GRIK4: variants seen among roughly 807,000 people sequenced by gnomAD.
GRIK4 encodes glutamate receptor ionotropic, kainate 4.
In GRIK4, 40 loss-of-function variants were observed where a neutral mutation model predicts 104.9. The ratio of observed to expected loss-of-function variants is 0.38; its 90% CI spans 0.30 to 0.50. GRIK4 has a LOEUF of 0.50. Among genes scored for constraint, GRIK4 ranks in the 20% least tolerant of loss-of-function variants. The probability of loss-of-function intolerance (pLI) is 0.93; values close to 1 mark genes in which losing one functional copy is unlikely to be tolerated. For missense variants in GRIK4, 1,047 were observed against 1,308.1 expected (o/e 0.80, Z 3.08); for synonymous variants, 485 against 524.9 (o/e 0.92, Z 1.04).
chr11:120,844,584 A>C (rs1212141387), intron 8 of GRIK4, among the ~76,000 whole-genome samples: 6 of 152,154 alleles, frequency 3.9e-5, no homozygotes, highest in African/African-American at 1.4e-4. Flanking sequence ...TTTAGATCCC[A>C]CAGGAATTCA....
chr11:120,972,671 A>G (rs570996756), intron 19 of GRIK4, among the ~76,000 whole-genome samples: 1 of 152,248 alleles, frequency 6.6e-6, no homozygotes, highest in East Asian at 1.9e-4. Flanking sequence ...AGAGAGGCAG[A>G]TATCACTCCC....
chr11:120,669,103 G>A (rs1229764541), intron 3 of GRIK4, among the ~76,000 whole-genome samples: 3 of 152,130 alleles, frequency 2.0e-5, no homozygotes, highest in Non-Finnish European at 4.4e-5. Flanking sequence ...CTTGTTCTGG[G>A]AGATGAGAAT....
intron 9 of GRIK4, chr11:120,862,431 A>G (rs1288758389): frequency 3.6e-6 from 1 of 275,752 alleles, no homozygotes; most frequent in Non-Finnish European, 6.8e-6. Context: ...GGATCCAAGA[A>G]TCGGTTGGAA....
At chr11:120,695,221 G>T (rs965871484) in intron 3 of GRIK4, among the ~76,000 whole-genome samples, 1 of 152,240 alleles carries the variant, frequency 6.6e-6, no homozygotes, top group Non-Finnish European at 1.5e-5. Context: ...GAGTTTGCCA[G>T]CTATAGGGCC....
chr11:120,640,165 C>G (rs1949453108), intron 1 of GRIK4, among the ~76,000 whole-genome samples: 1 of 152,214 alleles, frequency 6.6e-6, no homozygotes, highest in South Asian at 2.1e-4. Context: ...AGTAAAGGAA[C>G]AACAGTTGTT....
intron 9 of GRIK4, among the ~76,000 whole-genome samples, chr11:120,865,938 G>A (rs754020441): frequency 8.5e-5 from 13 of 152,056 alleles, no homozygotes; most frequent in African/African-American, 1.9e-4. Flanking sequence ...GGGAGGGGGC[G>A]TATGCAGCTC....
At chr11:120,669,563 A>G (rs1949979194) in intron 3 of GRIK4, among the ~76,000 whole-genome samples, 1 of 152,244 alleles carries the variant, frequency 6.6e-6, no homozygotes, top group African/African-American at 2.4e-5. Flanking sequence ...ATTGATGCCC[A>G]GATTGCTAAA....
At chr11:120,815,266 G>C (rs183305608) in intron 4 of GRIK4, 112 bp from the exon 5 acceptor site, 21 of 661,834 alleles carry the variant, frequency 3.2e-5, no homozygotes, top group African/African-American at 2.6e-4. Flanking sequence ...CCTGGGCAGC[G>C]GGTGTGCAGA....
At chr11:120,843,679 C>A (rs1460686252) in intron 8 of GRIK4, among the ~76,000 whole-genome samples, 2 of 131,054 alleles carry the variant, frequency 1.5e-5, no homozygotes, top group Admixed American at 8.3e-5. Flanking sequence ...TCTGGGTGAG[C>A]TATTTTACCT....
chr11:120,937,587 A>G lies in GRIK4; in HGVS notation c.1477-2760A>G, dbSNP rs367742138. Among the ~76,000 whole-genome samples the G allele has an allele frequency of 1.2e-4, 19 of 152,240 alleles. No homozygotes were observed. The East Asian group carries it at 3.3e-3, about 26-fold the overall frequency. On this transcript the variant is annotated intron_variant, in intron 13 of 20. Transcript: ENST00000527524. ...CCCAGCGTCCTCTTGACCGGGGACA[A>G]AGGAAAGAAAGACTGGGACTGGTGG...
rs1954698205 is a variant in GRIK4 at position 120,874,161 on chromosome 11, C to G, written c.1002C>G (p.Ser334=). 6.2e-6 allele frequency: 10 copies of G among 1,613,842 alleles called. No homozygotes were observed. In the East Asian group the frequency reaches 2.2e-4, roughly 36 times the overall value. Residue 334 remains serine (S), a synonymous_variant, in exon 10 of 21, where the codon TCC becomes TCG. Transcript: ENST00000527524. The part of the protein sequence containing the change: ...RSQEIGVKPL[S]CGSAQIWQHG... ...AAGAGATCGGCGTGAAGCCCTTGTC[C>G]TGCGGCTCGGCCCAGATCTGGCAGC...
In GRIK4 at chr11:120,547,056, C is replaced by T. The variant is rs115691510; in HGVS notation, c.-159+35169C>T. ...CACCCTGCCCCTTGGGCTCTGGCAG[C>T]GCTTCCTCCACATTCTCCTGTCTTG... On this transcript the variant is annotated intron_variant, in intron 1 of 20. Transcript: ENST00000527524. 9.1e-4 allele frequency among the ~76,000 whole-genome samples: 139 copies of T among 152,300 alleles called. 1 individual carries two copies. The highest frequency in any genetic ancestry group is 3.2e-3 in the African/African-American group (134 of 41,566).
intron 3 of GRIK4, among the ~76,000 whole-genome samples, chr11:120,688,456 C>T (rs1240967512): frequency 6.6e-6 from 1 of 152,172 alleles, no homozygotes; most frequent in African/African-American, 2.4e-5. Flanking sequence ...CCTTGAGTGT[C>T]TGGGCTGCCT....
At chr11:120,855,709 C>T (rs769567525) in intron 8 of GRIK4, among the ~76,000 whole-genome samples, 9 of 152,090 alleles carry the variant, frequency 5.9e-5, no homozygotes, top group African/African-American at 2.2e-4. Flanking sequence ...AGGCAGATGC[C>T]ACACAACCAC....
At chr11:120,802,533 G>C (rs934414598) in intron 3 of GRIK4, among the ~76,000 whole-genome samples, 160 bp from the exon 4 acceptor site, 2 of 152,180 alleles carry the variant, frequency 1.3e-5, no homozygotes, top group African/African-American at 2.4e-5. Context: ...TAAGCTTGGA[G>C]AGAACTTGTT....
intron 1 of GRIK4, among the ~76,000 whole-genome samples, chr11:120,625,491 C>T (rs1290070386): frequency 6.6e-6 from 1 of 152,164 alleles, no homozygotes; most frequent in African/African-American, 2.4e-5. Context: ...TCCTGAGCTT[C>T]ATTTTGGTTT....
At chr11:120,745,293 T>A (rs1306700171) in intron 3 of GRIK4, among the ~76,000 whole-genome samples, 1 of 152,224 alleles carries the variant, frequency 6.6e-6, no homozygotes, top group East Asian at 1.9e-4. Flanking sequence ...GGGTGAACAT[T>A]CCTCTGGCTT....
chr11:120,738,221 C>G (rs763245669), intron 3 of GRIK4, among the ~76,000 whole-genome samples: 34 of 152,214 alleles, frequency 2.2e-4, no homozygotes, highest in Non-Finnish European at 7.3e-5. Context: ...CTCAATGCTG[C>G]TTGCAGACTA....
Position 120,967,586 on chromosome 11 carries a change from T to C in GRIK4, c.2395+263T>C, listed in dbSNP as rs1217206260. On this transcript the variant is annotated intron_variant, in intron 19 of 20. Coordinates refer to ENST00000527524, the MANE Select transcript of GRIK4 (RefSeq NM_014619.5). The surrounding 1 kb of genome is among the most constrained non-coding windows in gnomAD (Gnocchi z 4.2). ...CTTGAACCCAGCTGCCTCTGACCCC[T>C]AGCACCATGGCTTCTACCCTGGCCC... Among the ~76,000 whole-genome samples, 1 of 152,168 alleles carries C rather than the reference T, an allele frequency of 6.6e-6. No individual in the cohort carries two copies. Among genetic ancestry groups the C allele is most frequent in the Admixed American group, 6.5e-5 (1 of 15,282 alleles).
Sources: gnomAD v4.1 joint callset for allele counts (sites outside exome capture counted in the v4.1 genomes callset) on GRCh38, gnomAD v4.1.1 for gene constraint, Gnocchi (gnomAD v3.1) non-coding constraint, MANE v1.5 for transcripts, NCBI Gene and HGNC (gene_info 2026-07-23, HGNC 2026-07-21) for gene names.